Variants in LGALS9 observed in about 807,000 individuals in gnomAD.
The protein encoded by LGALS9 is galectin 9, also known as galectin-9.
In LGALS9, 26 loss-of-function variants were observed where a neutral mutation model predicts 35.9. The observed-to-expected ratio is 0.72, with a 90% confidence interval of 0.53 to 1.01. LGALS9 has a LOEUF of 1.01. Among genes scored for constraint, LGALS9 ranks in the 50% least tolerant of loss-of-function variants. The pLI, the probability that LGALS9 is intolerant of heterozygous loss-of-function variation, is 0.00. For missense variants in LGALS9, 347 were observed against 445.8 expected (o/e 0.78, Z 1.99); for synonymous variants, 149 against 172.2 (o/e 0.87, Z 1.06).
chr17:27,645,967 A>C, intron 7 of LGALS9, 56 bp downstream of exon 7: 2 of 1,612,686 alleles, frequency 1.2e-6, no homozygotes, highest in African/African-American at 1.3e-5. Flanking sequence ...CTTCACCAAA[A>C]ACTAAACTCC....
At chr17:27,640,884 T>G (rs1444634111) in intron 3 of LGALS9, 111 bp downstream of exon 3, 1 of 1,475,842 alleles carries the variant, frequency 6.8e-7, no homozygotes, top group Admixed American at 1.9e-5. Flanking sequence ...GACACCACTA[T>G]ACAGATAACA....
At chr17:27,643,133 C>T (rs143804848) in intron 4 of LGALS9, among the ~76,000 whole-genome samples, 1,737 of 152,332 alleles carry the variant, frequency 0.011, 28 homozygotes, top group African/African-American at 0.038. Flanking sequence ...TTAGGGTATG[C>T]TGGGCCCACA....
intron 3 of LGALS9, 76 bp from the exon 4 acceptor site, chr17:27,642,162 A>C (rs1904555543): frequency 1.9e-6 from 3 of 1,558,162 alleles, no homozygotes; most frequent in Non-Finnish European, 2.6e-6. Flanking sequence ...TTCTAGAAAG[A>C]GGGTCCAGGA....
chr17:27,642,503 T>G, intron 4 of LGALS9, 155 bp downstream of exon 4: 1 of 1,150,778 alleles, frequency 8.7e-7, no homozygotes, highest in Non-Finnish European at 1.2e-6. Context: ...GCCCGCCCCT[T>G]CTCCTCTGTC....
chr17:27,642,199 T>A (rs1904558598), intron 3 of LGALS9, 39 bp from the exon 4 acceptor site: 1 of 1,562,344 alleles, frequency 6.4e-7, no homozygotes, highest in African/African-American at 1.4e-5. Context: ...CATCCCAGCC[T>A]GGGATGCCTC....
chr17:27,645,010 T>C (rs1904824075), intron 5 of LGALS9: 2 of 461,780 alleles, frequency 4.3e-6, no homozygotes, highest in Non-Finnish European at 7.9e-6. Context: ...AATATGGCAC[T>C]GGAAGTAATG....
At chr17:27,634,054 T>C (rs2151288527) in intron 1 of LGALS9, among the ~76,000 whole-genome samples, 1 of 152,354 alleles carries the variant, frequency 6.6e-6, no homozygotes, top group Admixed American at 6.5e-5. Context: ...CTTATCCAAA[T>C]TCCACAGCAG....
intron 1 of LGALS9, among the ~76,000 whole-genome samples, chr17:27,636,573 G>T (rs977209575): frequency 6.6e-6 from 1 of 152,044 alleles, no homozygotes; most frequent in Admixed American, 6.6e-5. Flanking sequence ...AGGCTCAAGG[G>T]ATCCTCCCAC....
In LGALS9 at chr17:27,640,696, G is replaced by A. The variant is rs1311632818; in HGVS notation, c.256G>A (p.Glu86Lys). The change falls in exon 3 of 11, where the codon GAG becomes AAG. Residue 86 changes from glutamate (E) to lysine (K), a missense_variant. Transcript: ENST00000395473. ...GCAGAACGGAAGCTGGGGGCCCGAG[G>A]AGAGGAAGACACACATGCCTTTCCA... Reference protein sequence around the residue: ...TRQNGSWGPEERKTHMPFQKG... With the variant: ...TRQNGSWGPEKRKTHMPFQKG... 6.8e-6 allele frequency: 11 copies of A among 1,614,256 alleles called. No homozygotes were observed. Among genetic ancestry groups the A allele is most frequent in the Non-Finnish European group, 9.3e-6 (11 of 1,180,048 alleles).
chr17:27,634,707 C>T (rs1310391507), intron 1 of LGALS9, among the ~76,000 whole-genome samples: 1 of 152,164 alleles, frequency 6.6e-6, no homozygotes, highest in Non-Finnish European at 1.5e-5. Flanking sequence ...CACATTGGGA[C>T]CACCTTTAAA....
chr17:27,637,807 T>C (rs1429161655), intron 1 of LGALS9, among the ~76,000 whole-genome samples: 1 of 152,178 alleles, frequency 6.6e-6, no homozygotes, highest in Non-Finnish European at 1.5e-5. Context: ...CTTTGGTCCC[T>C]TGGGCTTCCT....
chr17:27,631,938 G>A (rs1008650725), intron 1 of LGALS9, among the ~76,000 whole-genome samples: 2 of 152,090 alleles, frequency 1.3e-5, no homozygotes, highest in African/African-American at 4.8e-5. Flanking sequence ...GCATGGGCAT[G>A]TTCAGGGCAT....
At chr17:27,631,807 A>T (rs73985494) in intron 1 of LGALS9, among the ~76,000 whole-genome samples, 1,675 of 152,094 alleles carry the variant, frequency 0.011, 35 homozygotes, top group African/African-American at 0.038. Context: ...GAAGTAGTGT[A>T]TCTAGTGTGT....
chr17:27,649,088 G>T lies in LGALS9; in HGVS notation c.*106G>T, dbSNP rs1010316794. ...CCTTTCCAACCCTGCCTGGGATCTG[G>T]GCTTTAATGCAGAGGCCATGTCCTT... is the stretch of plus-strand genomic sequence containing the variant. On this transcript the variant is annotated 3_prime_UTR_variant, in exon 11 of 11. Coordinates refer to ENST00000395473, the MANE Select transcript of LGALS9 (RefSeq NM_009587.3). 1.7e-5 allele frequency: 27 copies of T among 1,548,910 alleles called. No individual in the cohort carries two copies. The highest frequency in any genetic ancestry group is 2.0e-5 in the Non-Finnish European group (23 of 1,134,702).
chr17:27,647,024 C>T lies in LGALS9; in HGVS notation c.670-6C>T, dbSNP rs752688350. On this transcript the variant is annotated splice_polypyrimidine_tract_variant and splice_region_variant and intron_variant, in intron 8 of 10. Transcript: ENST00000395473. The stretch of plus-strand genomic sequence containing the variant: ...GGTGGCTGACCTGTCCCCCTTCTTC[C>T]GACAGCCGATGCCTTTCATCACCAC... 3.0e-5 allele frequency: 48 copies of T among 1,613,838 alleles called. No individual in the cohort carries two copies. Among genetic ancestry groups the T allele is most frequent in the East Asian group, 6.7e-5 (3 of 44,888 alleles).
At chr17:27,640,445 C>T in intron 2 of LGALS9, 127 bp from the exon 3 acceptor site, 1 of 1,350,154 alleles carries the variant, frequency 7.4e-7, no homozygotes, top group Non-Finnish European at 1.0e-6. Flanking sequence ...GCCAACAAAG[C>T]AGTCTCTGCC....
At chr17:27,645,637 G>C (rs1374630997) in intron 6 of LGALS9, 2 of 601,096 alleles carry the variant, frequency 3.3e-6, no homozygotes, top group Non-Finnish European at 5.9e-6. Context: ...GGAAAGATGG[G>C]CCAGAGCCAC....
chr17:27,643,564 G>A lies in LGALS9; in HGVS notation c.484G>A (p.Val162Met), dbSNP rs917074337. The change falls in exon 5 of 11, where the codon GTG becomes ATG. Residue 162 changes from valine (V) to methionine (M), a missense_variant. Transcript: ENST00000395473. ...TVPVQPAFST[V>M]PFSQPVCFPP... ...CCCTGTTCAGCCTGCCTTCTCCACG[G>A]TGCCGTTCTCCCAGCCTGTCTGTTT... 2.5e-6 allele frequency: 4 copies of A among 1,611,764 alleles called. No homozygotes were observed. Among genetic ancestry groups the A allele is most frequent in the Non-Finnish European group, 3.4e-6 (4 of 1,179,782 alleles).
rs190137188 is a variant in LGALS9 at position 27,640,893 on chromosome 17, C to T, written c.333+120C>T. 276 of 1,444,124 alleles carry T rather than the reference C, an allele frequency of 1.9e-4. No homozygotes were observed. In the East Asian group the frequency reaches 4.8e-3, roughly 25 times the overall value. The allele number at this position is 1,444,124 out of a possible 1,614,324, so 89.5% of individuals were successfully genotyped here. On this transcript the variant is annotated intron_variant, in intron 3 of 10. Transcript: ENST00000395473. ...CAGAGTGACACCACTATACAGATAA[C>T]ACGCTCATTTCCTTGTGAGGTGTTA...
Sources: allele counts gnomAD v4.1 joint callset (sites outside exome capture counted in the v4.1 genomes callset), GRCh38; gene constraint gnomAD v4.1.1; transcripts MANE v1.5; gene names NCBI Gene and HGNC (gene_info 2026-07-23, HGNC 2026-07-21).